Variants in ATRNL1 observed in about 807,000 individuals in gnomAD.
ATRNL1 encodes the protein attractin like 1, also known as attractin-like protein 1.
In ATRNL1, 95 loss-of-function variants were observed where a neutral mutation model predicts 182.7. The ratio of observed to expected loss-of-function variants is 0.52; its 90% CI spans 0.44 to 0.62. The LOEUF (loss-of-function observed/expected upper bound fraction) is 0.62. ATRNL1 is among the 20% of genes least tolerant of loss of function. ATRNL1 has a pLI of 0.00. For missense variants in ATRNL1, 1,471 were observed against 1,679.5 expected (o/e 0.88, Z 2.17); for synonymous variants, 576 against 568.3 (o/e 1.01, Z -0.19).
intron 24 of ATRNL1, among the ~76,000 whole-genome samples, chr10:115,504,968 T>C (rs2133648072): frequency 6.6e-6 from 1 of 152,190 alleles, no homozygotes; most frequent in East Asian, 1.9e-4. Flanking sequence ...ATAACATGTT[T>C]TATAACCCAG....
intron 25 of ATRNL1, among the ~76,000 whole-genome samples, chr10:115,537,045 A>G (rs1418406710): frequency 2.0e-5 from 3 of 152,246 alleles, no homozygotes; most frequent in Non-Finnish European, 4.4e-5. Flanking sequence ...TGCTAAGTAG[A>G]AACAATAAAT....
intron 26 of ATRNL1, among the ~76,000 whole-genome samples, chr10:115,550,134 A>G (rs1344090838): frequency 1.3e-5 from 2 of 151,908 alleles, no homozygotes; most frequent in Non-Finnish European, 2.9e-5. Flanking sequence ...TAAATTGTGT[A>G]TATTCGTTAA....
chr10:115,479,711 T>C (rs1008397998), intron 24 of ATRNL1, among the ~76,000 whole-genome samples: 1 of 151,414 alleles, frequency 6.6e-6, no homozygotes, highest in African/African-American at 2.4e-5. Flanking sequence ...TTCATTTGCA[T>C]GTTTGTAATA....
chr10:115,436,137 A>T (rs985588861), intron 21 of ATRNL1, among the ~76,000 whole-genome samples: 6 of 152,124 alleles, frequency 3.9e-5, no homozygotes, highest in Admixed American at 3.9e-4. Context: ...TTTAAGTATC[A>T]GTCTTTTATT....
intron 25 of ATRNL1, among the ~76,000 whole-genome samples, chr10:115,531,484 T>C (rs1289513237): frequency 3.9e-5 from 6 of 152,132 alleles, no homozygotes; most frequent in Non-Finnish European, 8.8e-5. Context: ...TGTTTGTTTT[T>C]TTCTTGTAAA....
At chr10:115,859,859 A>G (rs1951271724) in intron 28 of ATRNL1, among the ~76,000 whole-genome samples, 1 of 152,238 alleles carries the variant, frequency 6.6e-6, no homozygotes, top group Non-Finnish European at 1.5e-5. Context: ...AATGTTGATT[A>G]CAATTATATT....
chr10:115,423,889 A>C (rs1344200373), intron 20 of ATRNL1, among the ~76,000 whole-genome samples: 2 of 152,148 alleles, frequency 1.3e-5, no homozygotes, highest in African/African-American at 4.8e-5. Context: ...GTTTTGGAAA[A>C]CACCTCAAAA....
intron 21 of ATRNL1, among the ~76,000 whole-genome samples, chr10:115,442,762 T>G (rs1846759530): frequency 6.6e-6 from 1 of 152,104 alleles, no homozygotes; most frequent in Non-Finnish European, 1.5e-5. Context: ...TGTGTGATTA[T>G]TTTTGGCTTT....
intron 26 of ATRNL1, among the ~76,000 whole-genome samples, chr10:115,702,403 T>C (rs1441048242): frequency 6.6e-6 from 1 of 152,046 alleles, no homozygotes; most frequent in Non-Finnish European, 1.5e-5. Context: ...AACATAGTTC[T>C]GGAAGTCCTA....
At chr10:115,183,271 A>G (rs1554888123) in intron 8 of ATRNL1, among the ~76,000 whole-genome samples, 1 of 151,560 alleles carries the variant, frequency 6.6e-6, no homozygotes, top group African/African-American at 2.4e-5. Flanking sequence ...ATTAATATGA[A>G]TGAAAATAAA....
At chr10:115,648,230 A>G (rs1859756210) in intron 26 of ATRNL1, among the ~76,000 whole-genome samples, 1 of 152,192 alleles carries the variant, frequency 6.6e-6, no homozygotes. Flanking sequence ...TAAAATACCT[A>G]GGAATCCAAC....
chr10:115,653,738 C>A (rs1194994913), intron 26 of ATRNL1, among the ~76,000 whole-genome samples: 1 of 152,190 alleles, frequency 6.6e-6, no homozygotes, highest in African/African-American at 2.4e-5. Flanking sequence ...CTCTCCCCAA[C>A]ACTCTAAGCT....
chr10:115,331,466 A>G (rs1269367706), intron 18 of ATRNL1, among the ~76,000 whole-genome samples: 4 of 152,024 alleles, frequency 2.6e-5, no homozygotes, highest in Non-Finnish European at 5.9e-5. Flanking sequence ...CAAATTCCTC[A>G]TTTGTTCCTC....
chr10:115,368,191 G>A (rs990142639), intron 19 of ATRNL1, among the ~76,000 whole-genome samples: 1 of 152,248 alleles, frequency 6.6e-6, no homozygotes, highest in Non-Finnish European at 1.5e-5. Flanking sequence ...CGTGGGCGTA[G>A]GACCCTCTGA....
intron 24 of ATRNL1, among the ~76,000 whole-genome samples, chr10:115,486,374 G>T (rs1041350351): frequency 1.3e-5 from 2 of 152,130 alleles, no homozygotes; most frequent in African/African-American, 4.8e-5. Context: ...AGTGTAAAAA[G>T]TGTCCCTATT....
chr10:115,504,370 A>G (rs1037116393), intron 24 of ATRNL1, among the ~76,000 whole-genome samples: 3 of 152,122 alleles, frequency 2.0e-5, no homozygotes, highest in Non-Finnish European at 4.4e-5. Context: ...ATCAAAGATG[A>G]AGATAACATT....
Position 115,731,912 on chromosome 10 carries a change from A to G in ATRNL1, c.3903+4557A>G, listed in dbSNP as rs563070966. Among the ~76,000 whole-genome samples the G allele has an allele frequency of 1.7e-4, 25 of 151,406 alleles. No homozygotes were observed. The South Asian group carries it at 5.0e-3, about 30-fold the overall frequency. On this transcript the variant is annotated intron_variant, in intron 27 of 28. Coordinates refer to ENST00000355044, the MANE Select transcript of ATRNL1 (RefSeq NM_207303.4). The stretch of plus-strand genomic sequence containing the variant: ...GGACATTTCATACAAATAAAACTAT[A>G]TACAGTGTGATCTTTTGTGATTAGC...
intron 21 of ATRNL1, among the ~76,000 whole-genome samples, chr10:115,449,492 C>T (rs1554967262): frequency 6.6e-6 from 1 of 152,186 alleles, no homozygotes; most frequent in Non-Finnish European, 1.5e-5. Flanking sequence ...AACAAGAGCT[C>T]AGGAGCCATG....
chr10:115,603,507 A>T (rs1392632049), intron 26 of ATRNL1, among the ~76,000 whole-genome samples: 2 of 152,224 alleles, frequency 1.3e-5, no homozygotes, highest in Non-Finnish European at 2.9e-5. Context: ...TTATGGGGGC[A>T]GATACATATT....
Sources: gnomAD v4.1 joint callset for allele counts (sites outside exome capture counted in the v4.1 genomes callset) on GRCh38, gnomAD v4.1.1 for gene constraint, MANE v1.5 for transcripts, NCBI Gene and HGNC (gene_info 2026-07-23, HGNC 2026-07-21) for gene names.